Variants in USP13 observed in about 807,000 individuals in gnomAD.
USP13 encodes the protein ubiquitin specific peptidase 13, also known as ubiquitin carboxyl-terminal hydrolase 13.
USP13 carries 68 observed loss-of-function variants against 107.8 expected under a neutral mutation model. The observed-to-expected ratio is 0.63, with a 90% CI of 0.52 to 0.77. USP13 has a LOEUF of 0.77. USP13 is among the 30% of genes least tolerant of loss of function. The pLI is 0.00. For synonymous variants in USP13, 377 were observed against 389.5 expected, an observed-to-expected ratio of 0.97 and a Z score of 0.38; for missense variants, 945 against 1,093.3, an observed-to-expected ratio of 0.86 and a Z score of 1.91.
At chr3:179,663,674 A>G (rs35963757) in intron 1 of USP13, among the ~76,000 whole-genome samples, 15,373 of 152,254 alleles carry the variant, frequency 0.1, 1,197 homozygotes, top group East Asian at 0.4. Context: ...TGAAATCCTC[A>G]ATGGTGCCAT....
chr3:179,661,071 G>T (rs116620286), intron 1 of USP13, among the ~76,000 whole-genome samples: 1,568 of 152,312 alleles, frequency 0.01, 14 homozygotes, highest in Middle Eastern at 0.017. Context: ...TGATGTCATT[G>T]CATGTCACGT....
At chr3:179,778,896 G>C (rs1173312838) in intron 19 of USP13, among the ~76,000 whole-genome samples, 2 of 152,170 alleles carry the variant, frequency 1.3e-5, no homozygotes, top group Non-Finnish European at 2.9e-5. Flanking sequence ...CTATTTATAA[G>C]GAAGGTTCAG....
In USP13 at chr3:179,740,336, C is replaced by T. The variant is rs1037905564; in HGVS notation, c.1344C>T (p.Ala448=). The change falls in exon 11 of 21, where the codon GCC becomes GCT. Residue 448 remains alanine, a synonymous_variant. Coordinates refer to ENST00000263966, the MANE Select transcript of USP13 (RefSeq NM_003940.3). The part of the protein sequence containing the change: ...PEFSSNRQQD[A]QEFFLHLVNL... ...TCTCCTCTAACAGGCAGCAAGATGC[C>T]CAGGAATTCTTCTTGCACCTGGTGA... The T allele has an allele frequency of 6.2e-7, 1 of 1,613,904 alleles. No homozygotes were observed. Among genetic ancestry groups the T allele is most frequent in the Non-Finnish European group, 8.5e-7 (1 of 1,180,020 alleles).
intron 14 of USP13, among the ~76,000 whole-genome samples, chr3:179,754,230 C>T (rs560452706): frequency 6.6e-6 from 1 of 152,066 alleles, no homozygotes; most frequent in Admixed American, 6.5e-5. Flanking sequence ...AAATATGATG[C>T]TCAGGGAGCA....
chr3:179,723,518 G>C (rs1713400263), intron 8 of USP13, among the ~76,000 whole-genome samples: 3 of 152,208 alleles, frequency 2.0e-5, no homozygotes, highest in Admixed American at 1.3e-4. Context: ...GGTCAGAGAG[G>C]AGCCTATGAA....
chr3:179,771,380 C>T (rs1283405540), intron 19 of USP13, among the ~76,000 whole-genome samples: 1 of 152,178 alleles, frequency 6.6e-6, no homozygotes, highest in Non-Finnish European at 1.5e-5. Flanking sequence ...ACTCCTAGAA[C>T]CTGAGGGTGG....
Position 179,784,892 on chromosome 3 carries a change from A to G in USP13, c.*751A>G, listed in dbSNP as rs560952271. 5.9e-5 allele frequency: 9 copies of G among 152,338 alleles called. No homozygotes were observed. Among genetic ancestry groups the G allele is most frequent in the African/African-American group, 2.2e-4 (9 of 41,586 alleles). The allele number at this position is 152,338 out of a possible 1,614,324, so 9.4% of individuals were successfully genotyped here. A position where few individuals can be genotyped will look rare whatever the true frequency, so the allele number is the denominator to read the frequency against. On this transcript the variant is annotated 3_prime_UTR_variant, in exon 21 of 21. Coordinates refer to ENST00000263966, the MANE Select transcript of USP13 (RefSeq NM_003940.3). ...TATTTTAACAAAACTATGACTCAGG[A>G]ACCTTCGAGAAGATTAGTTCCCCAC...
chr3:179,742,435 A>T lies in USP13; in HGVS notation c.1534+85A>T. The T allele has an allele frequency of 1.3e-6, 2 of 1,557,008 alleles. No homozygotes were observed. Among genetic ancestry groups the T allele is most frequent in the Non-Finnish European group, 1.7e-6 (2 of 1,143,048 alleles). ...TCAGAGAGAATGGTTTAGTCACTGA[A>T]GTGTGTCAGGAGTAGACCCAGCCCA... On this transcript the variant is annotated intron_variant, in intron 12 of 20. Coordinates refer to ENST00000263966, the MANE Select transcript of USP13 (RefSeq NM_003940.3). This position sits in a 1 kb window ranked among gnomAD's most constrained non-coding sequence, Gnocchi z 5.0.
In USP13 at chr3:179,785,280, G is replaced by A. The variant is rs1715887769; in HGVS notation, c.*1139G>A. On this transcript the variant is annotated 3_prime_UTR_variant, in exon 21 of 21. Coordinates refer to ENST00000263966, the MANE Select transcript of USP13 (RefSeq NM_003940.3). ...GCCTTTTTTTGGTGTATCACCTTCT[G>A]ACTTGCCTTCATTGCTTGTCTGATG... is the stretch of plus-strand genomic sequence containing the variant. The A allele has an allele frequency of 6.6e-6, 1 of 152,084 alleles. No homozygotes were observed. The highest frequency in any genetic ancestry group is 1.5e-5 in the Non-Finnish European group (1 of 68,016). 9.4% of individuals were successfully genotyped at this position (152,084 alleles called of 1,614,324 possible). A position where few individuals can be genotyped will look rare whatever the true frequency, so the allele number is the denominator to read the frequency against.
chr3:179,758,753 C>T (rs1447039559), intron 16 of USP13, among the ~76,000 whole-genome samples: 1 of 152,102 alleles, frequency 6.6e-6, no homozygotes, highest in African/African-American at 2.4e-5. Context: ...CCGCCTCGGC[C>T]TCCCAACGTG....
chr3:179,729,416 A>C (rs1713713550), intron 8 of USP13, among the ~76,000 whole-genome samples: 1 of 152,110 alleles, frequency 6.6e-6, no homozygotes, highest in East Asian at 1.9e-4. Context: ...GCTTCAGAGG[A>C]GCCTGATGAT....
chr3:179,661,810 G>A (rs947057096), intron 1 of USP13, among the ~76,000 whole-genome samples: 1 of 152,160 alleles, frequency 6.6e-6, no homozygotes, highest in Non-Finnish European at 1.5e-5. Flanking sequence ...GCAAGATTCT[G>A]ATACTGATTT....
chr3:179,694,521 G>A (rs1560051410), intron 3 of USP13, among the ~76,000 whole-genome samples: 2 of 152,088 alleles, frequency 1.3e-5, no homozygotes, highest in African/African-American at 2.4e-5. Context: ...GGAAAGGGGA[G>A]GCCGGGCGCG....
rs138139157 is a variant in USP13 at position 179,748,473 on chromosome 3, C to T, written c.1709+3256C>T. On this transcript the variant is annotated intron_variant, in intron 13 of 20. Coordinates refer to ENST00000263966, the MANE Select transcript of USP13 (RefSeq NM_003940.3). Reference sequence around the variant, plus strand: ...GGTTTTTCTTTTGTTACACCCAGAGCCTGAAGACCAGGAAGAGGCAAAAAA... The same window carrying T: ...GGTTTTTCTTTTGTTACACCCAGAGTCTGAAGACCAGGAAGAGGCAAAAAA... Among the ~76,000 whole-genome samples, 540 of 152,202 alleles carry T rather than the reference C, an allele frequency of 3.5e-3. 2 individuals are homozygous for T. Among genetic ancestry groups the T allele is most frequent in the Non-Finnish European group, 5.1e-3 (350 of 68,020 alleles).
At chr3:179,694,626 C>T (rs1036572349) in intron 3 of USP13, among the ~76,000 whole-genome samples, 1 of 151,848 alleles carries the variant, frequency 6.6e-6, no homozygotes, top group Non-Finnish European at 1.5e-5. Flanking sequence ...GTGGTGAAAC[C>T]CTGTCTCTAC....
In USP13 at chr3:179,708,954, G is replaced by C. The variant is rs1429235537; in HGVS notation, c.802G>C (p.Ala268Pro). 2 of 1,613,422 alleles carry C rather than the reference G, an allele frequency of 1.2e-6. No homozygotes were observed. Among genetic ancestry groups the C allele is most frequent in the Non-Finnish European group, 1.7e-6 (2 of 1,179,600 alleles). ...ACTGGGAACCATCACTCCTGACGGG[G>C]CAGGTGAGTGCGCCTTTACCGACTT... is the stretch of plus-strand genomic sequence containing the variant. ...VKLGTITPDGADVYSFQEEEP... is the reference protein window; with the variant it reads ...VKLGTITPDGPDVYSFQEEEP... Residue 268 changes from alanine (A) to proline (P), a missense_variant, in exon 6 of 21, where the codon GCA becomes CCA. Transcript: ENST00000263966.
intron 11 of USP13, among the ~76,000 whole-genome samples, chr3:179,741,885 T>C (rs1281941038): frequency 5.3e-5 from 8 of 152,232 alleles, no homozygotes; most frequent in African/African-American, 1.9e-4. Flanking sequence ...CCTTTATTTT[T>C]TTCCCTTTCT....
At chr3:179,706,884 G>T (rs775945374) in intron 4 of USP13, 50 bp from the exon 5 acceptor site, 16 of 1,547,756 alleles carry the variant, frequency 1.0e-5, no homozygotes, top group Non-Finnish European at 1.4e-5. Context: ...CTAGCAAATC[G>T]TTATTTTCTC....
chr3:179,763,003 G>T (rs117606199), intron 17 of USP13, among the ~76,000 whole-genome samples: 7 of 152,056 alleles, frequency 4.6e-5, no homozygotes, highest in African/African-American at 1.7e-4. Flanking sequence ...ACAACTTTTC[G>T]TATGTTTATT....
Sources: gnomAD v4.1 joint callset for allele counts (sites outside exome capture counted in the v4.1 genomes callset) on GRCh38, gnomAD v4.1.1 for gene constraint, Gnocchi (gnomAD v3.1) non-coding constraint, MANE v1.5 for transcripts, NCBI Gene and HGNC (gene_info 2026-07-23, HGNC 2026-07-21) for gene names.